GPR137C: variants seen among roughly 807,000 people sequenced by gnomAD.
GPR137C encodes G protein-coupled receptor 137C.
In GPR137C, 27 loss-of-function variants were observed where a neutral mutation model predicts 43.4. That is an observed-to-expected ratio of 0.62 (90% CI 0.46 to 0.86). The LOEUF is 0.86. GPR137C is among the 40% of genes least tolerant of loss of function. The pLI is 0.00. For missense variants in GPR137C, 522 were observed against 534.6 expected, an observed-to-expected ratio of 0.98 and a Z score of 0.23; for synonymous variants, 285 against 226.9, an observed-to-expected ratio of 1.26 and a Z score of -2.30.
intron 3 of GPR137C, chr14:52,611,709 C>G (rs1201735255): frequency 2.5e-6 from 1 of 400,330 alleles, no homozygotes; most frequent in African/African-American, 2.2e-5. Flanking sequence ...GTAGTAATAA[C>G]TCAAGGTCTA....
chr14:52,629,929 T>A (rs968553523), intron 3 of GPR137C, among the ~76,000 whole-genome samples: 6 of 152,130 alleles, frequency 3.9e-5, no homozygotes, highest in Non-Finnish European at 7.4e-5. Context: ...TCTTTAAAAG[T>A]GGTATGTAGG....
chr14:52,554,182 T>C (rs1414571638), intron 1 of GPR137C, among the ~76,000 whole-genome samples: 1 of 152,196 alleles, frequency 6.6e-6, no homozygotes, highest in East Asian at 1.9e-4. Flanking sequence ...CAATAACCAA[T>C]GCTGAGGATC....
At chr14:52,574,020 T>C (rs528450902) in intron 1 of GPR137C, among the ~76,000 whole-genome samples, 1 of 152,252 alleles carries the variant, frequency 6.6e-6, no homozygotes, top group Non-Finnish European at 1.5e-5. Context: ...CACAATGAGA[T>C]ACCATCTCAT....
At chr14:52,553,736 G>T in intron 1 of GPR137C, 145 bp downstream of exon 1, 3 of 699,818 alleles carry the variant, frequency 4.3e-6, no homozygotes, top group Non-Finnish European at 7.0e-6. Flanking sequence ...CACACCTGGA[G>T]TGTGAGCCAG....
chr14:52,578,493 G>A (rs1279951164), intron 1 of GPR137C, among the ~76,000 whole-genome samples: 1 of 151,974 alleles, frequency 6.6e-6, no homozygotes, highest in Non-Finnish European at 1.5e-5. Flanking sequence ...TTAACATCAT[G>A]TTTTTGTTCA....
chr14:52,611,945 A>G (rs2139551072), intron 3 of GPR137C: 1 of 985,086 alleles, frequency 1.0e-6, no homozygotes. Flanking sequence ...CATAGTTTAT[A>G]GAATAGGCTT....
At chr14:52,580,682 G>T (rs908501284) in intron 1 of GPR137C, among the ~76,000 whole-genome samples, 1 of 151,394 alleles carries the variant, frequency 6.6e-6, no homozygotes, top group Non-Finnish European at 1.5e-5. Flanking sequence ...ATTTTTTTAA[G>T]CATTAGGGTA....
Position 52,612,113 on chromosome 14 carries a change from AGCC to A in GPR137C, c.717+11773_717+11775del. 4 of 983,374 alleles carry A rather than the reference AGCC, an allele frequency of 4.1e-6. No homozygotes were observed. In the African/African-American group the frequency reaches 7.0e-5, roughly 17 times the overall value. 60.9% of individuals were successfully genotyped at this position (983,374 alleles called of 1,614,324 possible). A position where few individuals can be genotyped will look rare whatever the true frequency, so the allele number is the denominator to read the frequency against. The stretch of plus-strand genomic sequence containing the variant: ...CTGTTTTATAGTTTTATGGGCAGTT[AGCC>A]ATATTATCCTTACTAAAAATGTATT... On this transcript the variant is annotated intron_variant, in intron 3 of 6. Coordinates refer to ENST00000321662, the MANE Select transcript of GPR137C (RefSeq NM_001099652.2).
chr14:52,590,676 C>T (rs1315983153), intron 1 of GPR137C, among the ~76,000 whole-genome samples: 2 of 152,108 alleles, frequency 1.3e-5, no homozygotes, highest in Admixed American at 1.3e-4. Flanking sequence ...TTGCACATAG[C>T]ATTTGGTACA....
intron 1 of GPR137C, among the ~76,000 whole-genome samples, chr14:52,569,134 C>T (rs184242270): frequency 5.3e-5 from 8 of 152,296 alleles, no homozygotes; most frequent in African/African-American, 1.2e-4. Context: ...TGGCAGCCTC[C>T]GCTGGTGATA....
intron 3 of GPR137C, among the ~76,000 whole-genome samples, chr14:52,602,632 C>A (rs1346927609): frequency 6.6e-6 from 1 of 152,064 alleles, no homozygotes; most frequent in Admixed American, 6.6e-5. Flanking sequence ...CATGTCTTAT[C>A]TAACTTTAAA....
intron 1 of GPR137C, among the ~76,000 whole-genome samples, chr14:52,595,762 A>G (rs969002863): frequency 6.6e-6 from 1 of 152,162 alleles, no homozygotes; most frequent in African/African-American, 2.4e-5. Context: ...TTGGGTTAGA[A>G]CATGCTCCTT....
intron 1 of GPR137C, among the ~76,000 whole-genome samples, chr14:52,593,786 G>A (rs978995002): frequency 4.7e-5 from 2 of 42,514 alleles, no homozygotes; most frequent in Admixed American, 2.6e-4. Flanking sequence ...ACCAGCTCCT[G>A]GATTCATTGA....
chr14:52,631,883 G>T (rs1291846447), intron 3 of GPR137C, among the ~76,000 whole-genome samples: 1 of 149,170 alleles, frequency 6.7e-6, no homozygotes, highest in Non-Finnish European at 1.5e-5. Flanking sequence ...TTGCCAACTT[G>T]TTTATTCATA....
At chr14:52,634,149 C>T (rs934092869) in intron 6 of GPR137C, among the ~76,000 whole-genome samples, 1 of 152,054 alleles carries the variant, frequency 6.6e-6, no homozygotes, top group African/African-American at 2.4e-5. Context: ...TGACTCAAAG[C>T]CTATATGCCT....
intron 3 of GPR137C, among the ~76,000 whole-genome samples, chr14:52,605,718 T>C (rs1320995152): frequency 6.6e-6 from 1 of 152,220 alleles, no homozygotes; most frequent in East Asian, 1.9e-4. Flanking sequence ...TGAGGTATGT[T>C]CTGTACCCTA....
chr14:52,602,831 T>A (rs886453671), intron 3 of GPR137C, among the ~76,000 whole-genome samples: 89 of 152,302 alleles, frequency 5.8e-4, no homozygotes, highest in African/African-American at 1.9e-3. Context: ...ATTTTTTAAT[T>A]GACGTCATAT....
intron 3 of GPR137C, among the ~76,000 whole-genome samples, chr14:52,604,091 C>T (rs369071798): frequency 3.3e-5 from 5 of 151,978 alleles, no homozygotes; most frequent in African/African-American, 1.2e-4. Context: ...GGTATGTTGC[C>T]CATTTTTAAT....
intron 3 of GPR137C, chr14:52,612,620 G>A (rs954012538): frequency 6.0e-5 from 36 of 599,094 alleles, no homozygotes; most frequent in Non-Finnish European, 1.0e-5. Context: ...GGAATGTAGT[G>A]GCGCAATTAT....
Sources: gnomAD v4.1 joint callset for allele counts (sites outside exome capture counted in the v4.1 genomes callset) on GRCh38, gnomAD v4.1.1 for gene constraint, MANE v1.5 for transcripts, NCBI Gene and HGNC (gene_info 2026-07-23, HGNC 2026-07-21) for gene names.